The following BRAT1 variants were observed in gnomAD, a reference collection of about 807,000 sequenced individuals.
BRAT1 encodes BRCA1 associated ATM activator 1, also known as integrator complex assembly factor BRAT1.
A neutral mutation model predicts 70.6 loss-of-function variants in BRAT1; 74 were observed. The observed-to-expected ratio is 1.05, with a 90% CI of 0.87 to 1.27. The LOEUF (loss-of-function observed/expected upper bound fraction) is 1.27. BRAT1 is among the 50% of genes most tolerant of loss of function. The pLI is 0.00. For synonymous variants in BRAT1, 615 were observed against 517.1 expected, an observed-to-expected ratio of 1.19 and a Z score of -2.57; for missense variants, 1,203 against 1,098.2, an observed-to-expected ratio of 1.10 and a Z score of -1.35.
In BRAT1 at chr7:2,538,623, C is replaced by T; in HGVS notation, c.1912G>A (p.Val638Met). 6.3e-7 allele frequency: 1 copy of T among 1,598,324 alleles called. No individual in the cohort carries two copies. Among genetic ancestry groups the T allele is most frequent in the Non-Finnish European group, 8.5e-7 (1 of 1,179,352 alleles). ...AQDTEQFVATVLQAASRDLDW... is the reference protein window; with the variant it reads ...AQDTEQFVATMLQAASRDLDW... ...AGGTCTCGGCTCGCCGCCTGCAGCACAGTGGCCACGAACTGCTCCGTGTCC... is the reference window on the plus strand; with the variant it reads ...AGGTCTCGGCTCGCCGCCTGCAGCATAGTGGCCACGAACTGCTCCGTGTCC... The change falls in exon 14 of 14, where the codon GTG (valine) becomes ATG (methionine). Residue 638 changes from valine (V) to methionine (M), a missense_variant. Transcript: ENST00000340611.
chr7:2,542,479 G>A (rs2128394190), intron 6 of BRAT1: 2 of 533,334 alleles, frequency 3.8e-6, no homozygotes, highest in East Asian at 3.4e-5. Flanking sequence ...TGCACCCAGA[G>A]AGAGGGGCAG....
rs1226925012 is a variant in BRAT1, at chr7:2,543,880, G to A, written c.513C>T (p.Val171=). 6.2e-7 allele frequency: 1 copy of A among 1,612,310 alleles called. No homozygotes were observed. The highest frequency in any genetic ancestry group is 8.5e-7 in the Non-Finnish European group (1 of 1,179,542). The change falls in exon 5 of 14, where the codon GTC becomes GTT. Residue 171 remains valine, a synonymous_variant. Transcript: ENST00000340611. The surrounding 1 kb of genome is among the most constrained non-coding windows in gnomAD (Gnocchi z 5.5). ...CTCCACCTCGCATGGACAAAGCCAG[G>A]ACGTGCACCAGGAGCTGACTGGCCG... ...ASAASQLLVH[V]LALSMRGGAE...
Position 2,544,908 on chromosome 7 carries a change from C to A in BRAT1, c.430+1G>T. The A allele has an allele frequency of 6.5e-7, 1 of 1,549,752 alleles. No individual in the cohort carries two copies. The highest frequency in any genetic ancestry group is 1.4e-5 in the African/African-American group (1 of 73,192). On this transcript the variant is annotated splice_donor_variant, in intron 4 of 13. Transcript: ENST00000340611. LOFTEE classifies it high-confidence loss of function. ...ATGGGGTGGGGTGTGGGCGCACTCA[C>A]CATGGTCGGCCAGGAAGCGCAGGGC...
chr7:2,551,530 G>GA lies in BRAT1; in HGVS notation c.127+2774dup, dbSNP rs999720706. Among the ~76,000 whole-genome samples, 48 of 146,430 alleles carry GA rather than the reference G, an allele frequency of 3.3e-4. No individual in the cohort carries two copies. The South Asian group carries it at 4.3e-3, about 13-fold the overall frequency. On this transcript the variant is annotated intron_variant, in intron 2 of 13. Transcript: ENST00000340611. ...AGATGGTGAGACCTCATCTCTATGG[G>GA]AAAAAAAAAAATAGCTGGGCCTGGT...
rs1779681275 is a variant in BRAT1 at position 2,547,235 on chromosome 7, G to A, written c.282+89C>T. ...GGGCAGGCCGCTGGGACTTGGGATG[G>A]TGATGGCTACAAATGCCCCACCTGG... is the stretch of plus-strand genomic sequence containing the variant. On this transcript the variant is annotated intron_variant, in intron 3 of 13. Transcript: ENST00000340611. 3 of 1,519,266 alleles carry A rather than the reference G, an allele frequency of 2.0e-6. No homozygotes were observed. In the South Asian group the frequency reaches 3.6e-5, roughly 18 times the overall value. 94.1% of individuals were successfully genotyped at this position (1,519,266 alleles called of 1,614,324 possible).
chr7:2,546,898 C>A (rs901720051), intron 3 of BRAT1, among the ~76,000 whole-genome samples: 3 of 152,180 alleles, frequency 2.0e-5, no homozygotes, highest in African/African-American at 7.2e-5. Context: ...GACAACCCCA[C>A]GGCGCAGCTA....
intron 4 of BRAT1, chr7:2,544,196 TG>T (rs1250396611): frequency 2.9e-6 from 1 of 345,910 alleles, no homozygotes; most frequent in Non-Finnish European, 5.0e-6. Flanking sequence ...CGTTCCTTCT[TG>T]TTGTTTTTTT....
chr7:2,552,744 T>G (rs910714844), intron 2 of BRAT1, among the ~76,000 whole-genome samples: 4 of 131,602 alleles, frequency 3.0e-5, no homozygotes, highest in African/African-American at 8.6e-5. Flanking sequence ...TATGACACTA[T>G]TTTTTTTTTT....
chr7:2,538,928 A>G (rs1359122649), intron 13 of BRAT1, 164 bp from the exon 14 acceptor site: 1 of 1,455,962 alleles, frequency 6.9e-7, no homozygotes, highest in Non-Finnish European at 9.0e-7. Context: ...CGGCCCTCCA[A>G]TCCTCAGTTT....
chr7:2,545,363 CAAAAAAAAAA>C (rs1185029266), intron 3 of BRAT1, among the ~76,000 whole-genome samples: 4 of 25,120 alleles, frequency 1.6e-4, no homozygotes, highest in East Asian at 1.2e-3. Context: ...GACTCCATCT[CAAAAAAAAAA>C]AAAAAAAAAA....
chr7:2,542,615 C>T (rs767535192), intron 6 of BRAT1: 13 of 235,466 alleles, frequency 5.5e-5, no homozygotes, highest in Non-Finnish European at 1.1e-4. Context: ...TCCTGCAGGG[C>T]CGGGCCTGTT....
At chr7:2,552,094 A>G (rs1562593412) in intron 2 of BRAT1, among the ~76,000 whole-genome samples, 1 of 21,946 alleles carries the variant, frequency 4.6e-5, no homozygotes, top group Non-Finnish European at 7.5e-5. Flanking sequence ...ATATATATAT[A>G]TATATATATA....
intron 13 of BRAT1, 166 bp downstream of exon 13, chr7:2,539,012 TC>T: frequency 1.4e-6 from 2 of 1,435,634 alleles, no homozygotes; most frequent in Non-Finnish European, 1.8e-6. Context: ...AGCGCACAGG[TC>T]CCACACCCAG....
rs549249732 is a variant in BRAT1 at position 2,543,078 on chromosome 7, C to G, written c.923+126G>C. 3 of 1,287,344 alleles carry G rather than the reference C, an allele frequency of 2.3e-6. No homozygotes were observed. The highest frequency in any genetic ancestry group is 2.0e-4 in the Middle Eastern group (1 of 5,088). 79.7% of individuals were successfully genotyped at this position (1,287,344 alleles called of 1,614,324 possible). Reference sequence around the variant, plus strand: ...CAACCCACGCACCACCCAGTCACACCCCGCACGGCCGCCTGACTGTCCCTG... The same window carrying G: ...CAACCCACGCACCACCCAGTCACACGCCGCACGGCCGCCTGACTGTCCCTG... On this transcript the variant is annotated intron_variant, in intron 6 of 13. Transcript: ENST00000340611. The surrounding 1 kb of genome is among the most constrained non-coding windows in gnomAD (Gnocchi z 5.5).
rs555682665 is a variant in BRAT1 at position 2,547,838 on chromosome 7, C to T, written c.128-360G>A. 2.3e-3 allele frequency among the ~76,000 whole-genome samples: 346 copies of T among 152,258 alleles called. 2 individuals carry two copies. The highest frequency in any genetic ancestry group is 7.9e-3 in the African/African-American group (330 of 41,570). On this transcript the variant is annotated intron_variant, in intron 2 of 13. Transcript: ENST00000340611. ...GTGGCTCACGCCTGTAATCCCAACA[C>T]GTTAGGAGGCCAAGGCGGGTGGTCA... is the stretch of plus-strand genomic sequence containing the variant.
chr7:2,538,427 A>AAGTC lies in BRAT1; in HGVS notation c.2104_2107dup (p.Phe703Ter). 1 of 1,613,420 alleles carries AAGTC rather than the reference A, an allele frequency of 6.2e-7. No individual in the cohort carries two copies. The highest frequency in any genetic ancestry group is 1.7e-5 in the Admixed American group (1 of 60,026). On this transcript the variant is annotated stop_gained and frameshift_variant, in exon 14 of 14. Transcript: ENST00000340611. LOFTEE classifies it low-confidence loss of function (END_TRUNC). ...GCAGTCAAACAAGGCACAAAAGGCG[A>AAGTC]AGTCAAAGAGCCCCACGTGGCAGAG...
At chr7:2,539,382 G>A in intron 12 of BRAT1, 31 bp from the exon 13 acceptor site, 1 of 1,582,948 alleles carries the variant, frequency 6.3e-7, no homozygotes, top group Non-Finnish European at 8.6e-7. Flanking sequence ...ATGCAGCTGT[G>A]ACTGAGGGCC....
At chr7:2,545,833 G>A (rs1330996059) in intron 3 of BRAT1, among the ~76,000 whole-genome samples, 4 of 152,172 alleles carry the variant, frequency 2.6e-5, no homozygotes, top group Admixed American at 6.5e-5. Flanking sequence ...AAGGGCCCCC[G>A]GATTCACTGT....
Position 2,543,713 on chromosome 7 carries a change from C to T in BRAT1, c.680G>A (p.Arg227His), listed in dbSNP as rs911372208. The T allele has an allele frequency of 1.1e-5, 18 of 1,580,386 alleles. No individual in the cohort carries two copies. Among genetic ancestry groups the T allele is most frequent in the African/African-American group, 8.1e-5 (6 of 74,390 alleles). Residue 227 changes from arginine (R) to histidine (H), a missense_variant, in exon 5 of 14, where the codon CGC becomes CAC. Physicochemically the swap from Arg to His is conservative, Grantham distance 29 (BLOSUM62 0). Transcript: ENST00000340611. The surrounding 1 kb of genome is among the most constrained non-coding windows in gnomAD (Gnocchi z 5.5). ...GGCTTCCGTCCAGGGGCTCTGGCAG[C>T]GCCCGAAGGTCGTGGTCAGGACGTT... ...ALNVLTTTFG[R>H]CQSPWTEALW...
Sources: allele counts gnomAD v4.1 joint callset (sites outside exome capture counted in the v4.1 genomes callset), GRCh38; gene constraint gnomAD v4.1.1; non-coding constraint Gnocchi (gnomAD v3.1); transcripts MANE v1.5; gene names NCBI Gene and HGNC (gene_info 2026-07-23, HGNC 2026-07-21).